GJC1: variants seen among roughly 807,000 people sequenced by gnomAD.
GJC1 encodes gap junction protein gamma 1, also known as gap junction gamma-1 protein.
A neutral mutation model predicts 29.3 loss-of-function variants in GJC1; 5 were observed. The observed-to-expected ratio is 0.17, with a 90% confidence interval of 0.09 to 0.36. The LOEUF is 0.36. Among genes scored for constraint, GJC1 ranks in the 10% least tolerant of loss-of-function variants. The pLI, the probability that GJC1 is intolerant of heterozygous loss-of-function variation, is 1.00. For missense variants in GJC1, 310 were observed against 496.2 expected (o/e 0.62, Z 3.56); for synonymous variants, 177 against 183.3 (o/e 0.97, Z 0.28).
chr17:44,826,080 C>T (rs959093500), intron 1 of GJC1, among the ~76,000 whole-genome samples: 3 of 152,048 alleles, frequency 2.0e-5, no homozygotes, highest in Non-Finnish European at 4.4e-5. Flanking sequence ...GCCACCACGC[C>T]CAGGTAATTT....
At chr17:44,820,250 C>T (rs1177822150) in intron 1 of GJC1, among the ~76,000 whole-genome samples, 1 of 152,148 alleles carries the variant, frequency 6.6e-6, no homozygotes, top group Non-Finnish European at 1.5e-5. Flanking sequence ...GCGTGAGCCA[C>T]GGCTCCTGGG....
Position 44,830,197 on chromosome 17 carries a change from G to A in GJC1, c.-232C>T. 6.5e-6 allele frequency: 1 copy of A among 154,918 alleles called. No individual in the cohort carries two copies. Among genetic ancestry groups the A allele is most frequent in the Non-Finnish European group, 1.4e-5 (1 of 70,074 alleles). The allele number at this position is 154,918 out of a possible 1,614,324, so 9.6% of individuals were successfully genotyped here. A position where few individuals can be genotyped will look rare whatever the true frequency, so the allele number is the denominator to read the frequency against. On this transcript the variant is annotated 5_prime_UTR_variant, in exon 1 of 3. Transcript: ENST00000592524. The surrounding 1 kb of genome is among the most constrained non-coding windows in gnomAD (Gnocchi z 4.3). Reference sequence around the variant, plus strand: ...CACCTCCTCCGCCGCTGCCGCCTTCGCCTCAGTCTCCAGCCGAGGCAGAAG... The same window carrying A: ...CACCTCCTCCGCCGCTGCCGCCTTCACCTCAGTCTCCAGCCGAGGCAGAAG...
upstream of GJC1, chr17:44,830,834 T>G: frequency 2.5e-6 from 1 of 397,050 alleles, no homozygotes; most frequent in Non-Finnish European, 4.4e-6. The surrounding 1 kb of genome is among the most constrained non-coding windows in gnomAD (Gnocchi z 4.3). Context: ...TTTCAGGTCC[T>G]GAACTTCTCG....
chr17:44,795,569 TC>T (rs1268487107), downstream of GJC1, among the ~76,000 whole-genome samples: 1 of 152,210 alleles, frequency 6.6e-6, no homozygotes, highest in Non-Finnish European at 1.5e-5. Flanking sequence ...CAGGAAAAGT[TC>T]CCTTGTCCCC....
intron 1 of GJC1, among the ~76,000 whole-genome samples, chr17:44,808,428 T>TACACACACACACACAC (rs56999580): frequency 2.9e-4 from 43 of 147,546 alleles, no homozygotes; most frequent in African/African-American, 9.1e-4. Flanking sequence ...CCCTGTCTCT[T>TACACACACACACACAC]ACACACACAC....
intron 2 of GJC1, among the ~76,000 whole-genome samples, 196 bp downstream of exon 2, chr17:44,807,198 A>T (rs1003591): frequency 0.78 from 118,013 of 152,150 alleles, 45,818 homozygotes; most frequent in African/African-American, 0.81. Context: ...TAAAGGACAG[A>T]TTCTTTCTGA....
intron 1 of GJC1, among the ~76,000 whole-genome samples, chr17:44,819,529 G>A (rs1427389058): frequency 6.6e-6 from 1 of 151,800 alleles, no homozygotes; most frequent in Non-Finnish European, 1.5e-5. Flanking sequence ...GTGGTGGCAG[G>A]CGCCTGTAGT....
chr17:44,816,953 G>C (rs1477028359), intron 1 of GJC1, among the ~76,000 whole-genome samples: 3 of 152,098 alleles, frequency 2.0e-5, no homozygotes, highest in African/African-American at 7.2e-5. Flanking sequence ...GTTCACGTCT[G>C]TAATCCCAGC....
chr17:44,826,743 C>T (rs2050181342), intron 1 of GJC1, among the ~76,000 whole-genome samples: 1 of 152,100 alleles, frequency 6.6e-6, no homozygotes, highest in Non-Finnish European at 1.5e-5. Flanking sequence ...TTTAGAGTTG[C>T]AGTAAATAGC....
rs1555561207 is a variant in GJC1, at chr17:44,830,228, C to CCCGCCGCTGCCGCCGCCG, written c.-281_-264dup. On this transcript the variant is annotated 5_prime_UTR_variant, in exon 1 of 3. Transcript: ENST00000592524. The surrounding 1 kb of genome is among the most constrained non-coding windows in gnomAD (Gnocchi z 4.3). ...GTCTCCAGCCGAGGCAGAAGCCGCT[C>CCCGCCGCTGCCGCCGCCG]CCGCCGCTGCCGCCGCCGCCGCCGC... is the stretch of plus-strand genomic sequence containing the variant. 6.3e-6 allele frequency: 1 copy of CCCGCCGCTGCCGCCGCCG among 158,916 alleles called. No homozygotes were observed. Among genetic ancestry groups the CCCGCCGCTGCCGCCGCCG allele is most frequent in the Non-Finnish European group, 1.3e-5 (1 of 74,888 alleles). 9.8% of individuals were successfully genotyped at this position (158,916 alleles called of 1,614,324 possible). A position where few individuals can be genotyped will look rare whatever the true frequency, so the allele number is the denominator to read the frequency against.
chr17:44,819,694 A>G (rs2050086630), intron 1 of GJC1, among the ~76,000 whole-genome samples: 1 of 151,378 alleles, frequency 6.6e-6, no homozygotes, highest in Admixed American at 6.6e-5. Context: ...AAATAAATAA[A>G]TAAATAAATA....
At chr17:44,806,863 A>C (rs1359522603) in intron 2 of GJC1, among the ~76,000 whole-genome samples, 2 of 152,128 alleles carry the variant, frequency 1.3e-5, no homozygotes, top group Admixed American at 1.3e-4. Flanking sequence ...ATTTATTAGG[A>C]AACTTAAATT....
Position 44,810,293 on chromosome 17 carries a change from G to A in GJC1, c.-96-2824C>T, listed in dbSNP as rs894769035. Among the ~76,000 whole-genome samples the A allele has an allele frequency of 4.6e-5, 7 of 152,054 alleles. 1 individual carries two copies. Among genetic ancestry groups the A allele is most frequent in the East Asian group, 1.9e-4 (1 of 5,198 alleles). On this transcript the variant is annotated intron_variant, in intron 1 of 2. Transcript: ENST00000592524. Reference sequence around the variant, plus strand: ...ATTACAGGCATGAGCCATCGCGCCCGGCCAAATGTGTATCTTTTAAGTAAT... The same window carrying A: ...ATTACAGGCATGAGCCATCGCGCCCAGCCAAATGTGTATCTTTTAAGTAAT...
At chr17:44,825,953 C>T (rs1421176385) in intron 1 of GJC1, among the ~76,000 whole-genome samples, 1 of 152,112 alleles carries the variant, frequency 6.6e-6, no homozygotes, top group Admixed American at 6.5e-5. Context: ...CAGAGTCTCG[C>T]TCTGTCGCCC....
chr17:44,817,383 C>T (rs2050055490), intron 1 of GJC1, among the ~76,000 whole-genome samples: 1 of 151,400 alleles, frequency 6.6e-6, no homozygotes. Context: ...TTCTATGTGA[C>T]CCTAATCCCA....
chr17:44,822,367 T>G (rs2050120728), intron 1 of GJC1, among the ~76,000 whole-genome samples: 1 of 151,494 alleles, frequency 6.6e-6, no homozygotes, highest in Non-Finnish European at 1.5e-5. Flanking sequence ...AAAATTAGGG[T>G]GTGTTGGCTC....
upstream of GJC1, chr17:44,830,536 C>G: frequency 2.5e-6 from 1 of 397,598 alleles, no homozygotes. This position sits in a 1 kb window ranked among gnomAD's most constrained non-coding sequence, Gnocchi z 4.3. Flanking sequence ...GACTTCGCTC[C>G]GGACAGTTCA....
At chr17:44,817,836 T>C (rs1304583748) in intron 1 of GJC1, among the ~76,000 whole-genome samples, 6 of 152,138 alleles carry the variant, frequency 3.9e-5, no homozygotes, top group Non-Finnish European at 5.9e-5. Context: ...GACCACTCGC[T>C]AGTAAAGAAT....
At chr17:44,831,286 C>A (rs1032318712), upstream of GJC1, among the ~76,000 whole-genome samples, 3 of 152,146 alleles carry the variant, frequency 2.0e-5, no homozygotes, top group Non-Finnish European at 4.4e-5. Flanking sequence ...GAATTAGTTA[C>A]CAAAATATTA....
Sources: allele counts gnomAD v4.1 joint callset (sites outside exome capture counted in the v4.1 genomes callset), GRCh38; gene constraint gnomAD v4.1.1; non-coding constraint Gnocchi (gnomAD v3.1); transcripts MANE v1.5; gene names NCBI Gene and HGNC (gene_info 2026-07-23, HGNC 2026-07-21).